The following FMN1 variants were observed in gnomAD, a reference collection of about 807,000 sequenced individuals.
FMN1 encodes the protein formin 1, also known as formin-1.
In FMN1, 110 loss-of-function variants were observed where a neutral mutation model predicts 132.4. That is an observed-to-expected ratio of 0.83 (90% CI 0.71 to 0.97). The LOEUF is 0.97. Ranked by LOEUF, FMN1 falls within the 50% of genes least tolerant of loss-of-function variation. The probability of loss-of-function intolerance (pLI) is 0.00; values close to 1 mark genes in which losing one functional copy is unlikely to be tolerated. For synonymous variants in FMN1, 722 were observed against 651.7 expected (o/e 1.11, Z -1.64); for missense variants, 1,792 against 1,705.3 (o/e 1.05, Z -0.90).
At chr15:33,006,246 C>T (rs1049510717) in intron 7 of FMN1, among the ~76,000 whole-genome samples, 1 of 152,032 alleles carries the variant, frequency 6.6e-6, no homozygotes, top group Non-Finnish European at 1.5e-5. Context: ...AAATACATTT[C>T]TCAAAAGAAG....
intron 4 of FMN1, chr15:33,150,153 C>T (rs1255131844): frequency 2.0e-6 from 2 of 985,262 alleles, no homozygotes; most frequent in Admixed American, 6.1e-5. Flanking sequence ...AGCCAAGCTC[C>T]CTGTGATTCT....
chr15:33,159,644 A>T (rs1964810951), intron 3 of FMN1, among the ~76,000 whole-genome samples: 1 of 152,254 alleles, frequency 6.6e-6, no homozygotes, highest in Non-Finnish European at 1.5e-5. Flanking sequence ...AAGCAGGTTG[A>T]TGAGGAAGAC....
At chr15:32,916,346 A>C (rs767855105) in intron 10 of FMN1, among the ~76,000 whole-genome samples, 1 of 152,216 alleles carries the variant, frequency 6.6e-6, no homozygotes, top group Non-Finnish European at 1.5e-5. Context: ...ATGCCCATAT[A>C]AACAAAGAAT....
intron 3 of FMN1, among the ~76,000 whole-genome samples, chr15:33,156,072 CA>C (rs1964657838): frequency 6.6e-6 from 1 of 151,786 alleles, no homozygotes; most frequent in East Asian, 1.9e-4. Flanking sequence ...TTCTAAATAG[CA>C]AAAAAGCTAC....
At chr15:33,189,959 T>C (rs1218256542) in intron 2 of FMN1, among the ~76,000 whole-genome samples, 2 of 152,180 alleles carry the variant, frequency 1.3e-5, no homozygotes, top group Non-Finnish European at 2.9e-5. Flanking sequence ...CGCACAGGGC[T>C]GAGACCATAG....
chr15:32,835,599 G>C (rs2058604159), intron 17 of FMN1, among the ~76,000 whole-genome samples: 1 of 152,094 alleles, frequency 6.6e-6, no homozygotes, highest in Non-Finnish European at 1.5e-5. Flanking sequence ...GTTTGGAAGG[G>C]TTTGTTTTCA....
At chr15:32,933,083 T>A (rs985452596) in intron 9 of FMN1, among the ~76,000 whole-genome samples, 2 of 152,204 alleles carry the variant, frequency 1.3e-5, no homozygotes, top group African/African-American at 4.8e-5. Context: ...TCAGGTTGTT[T>A]ATTTGAAATC....
intron 7 of FMN1, among the ~76,000 whole-genome samples, chr15:33,001,894 A>G (rs1192378910): frequency 6.6e-6 from 1 of 151,966 alleles, no homozygotes; most frequent in African/African-American, 2.4e-5. Context: ...ATGGAATAAA[A>G]ACCCTAAGCT....
intron 6 of FMN1, among the ~76,000 whole-genome samples, chr15:33,028,699 G>A (rs908405113): frequency 3.3e-5 from 5 of 152,110 alleles, no homozygotes; most frequent in African/African-American, 1.2e-4. Flanking sequence ...GTTTCATCTG[G>A]TAGCAAACCT....
chr15:33,023,545 A>G (rs914070118), intron 6 of FMN1, among the ~76,000 whole-genome samples: 1 of 152,232 alleles, frequency 6.6e-6, no homozygotes, highest in Non-Finnish European at 1.5e-5. Context: ...TATATTAGAA[A>G]CAAAATACTC....
intron 16 of FMN1, among the ~76,000 whole-genome samples, chr15:32,881,018 T>C (rs2059756809): frequency 1.3e-5 from 2 of 152,224 alleles, no homozygotes; most frequent in African/African-American, 2.4e-5. Context: ...GCCTATGCCA[T>C]TGAAACTTAA....
intron 17 of FMN1, among the ~76,000 whole-genome samples, chr15:32,848,981 T>TTTTTTG (rs2058930974): frequency 8.7e-6 from 1 of 115,488 alleles, no homozygotes; most frequent in East Asian, 2.2e-4. Flanking sequence ...TCTTTTGTTT[T>TTTTTTG]TTTTTTTTTT....
intron 4 of FMN1, among the ~76,000 whole-genome samples, chr15:33,122,888 A>AT (rs1164147759): frequency 1.3e-5 from 2 of 152,172 alleles, no homozygotes; most frequent in Admixed American, 1.3e-4. Context: ...TTGATAAAGC[A>AT]AACCAACATC....
In FMN1 at chr15:33,029,071, T is replaced by C. The variant is rs187969639; in HGVS notation, c.2162-20996A>G. On this transcript the variant is annotated intron_variant, in intron 6 of 20. Transcript: ENST00000616417. The stretch of plus-strand genomic sequence containing the variant: ...GCAAATTGAAGCTGATTTGAAGAAA[T>C]ACACTTAAATAATACCATAAAAATC... Among the ~76,000 whole-genome samples, 11 of 152,182 alleles carry C rather than the reference T, an allele frequency of 7.2e-5. No homozygotes were observed. In the East Asian group the frequency reaches 1.5e-3, roughly 21 times the overall value.
chr15:33,026,410 T>TCTCACACACACACACACACACACA (rs1555384314), intron 6 of FMN1, among the ~76,000 whole-genome samples: 6 of 140,114 alleles, frequency 4.3e-5, no homozygotes, highest in Non-Finnish European at 7.7e-5. Context: ...GTCCAAATTT[T>TCTCACACACACACACACACACACA]CACACACACA....
At chr15:33,121,212 G>C (rs1280186564) in intron 4 of FMN1, among the ~76,000 whole-genome samples, 1 of 152,202 alleles carries the variant, frequency 6.6e-6, no homozygotes, top group South Asian at 2.1e-4. Context: ...CAATAGAGCA[G>C]TGGGTCCTGT....
At chr15:32,838,054 G>A (rs1436647834) in intron 17 of FMN1, among the ~76,000 whole-genome samples, 3 of 151,890 alleles carry the variant, frequency 2.0e-5, no homozygotes, top group Non-Finnish European at 4.4e-5. Flanking sequence ...GAGCAATGAA[G>A]GCAAGAGGGA....
In FMN1 at chr15:32,766,868, C is replaced by G. The variant is rs2056066251; in HGVS notation, c.*7442G>C. The G allele has an allele frequency of 6.6e-6, 1 of 152,242 alleles. No homozygotes were observed. Among genetic ancestry groups the G allele is most frequent in the Admixed American group, 6.5e-5 (1 of 15,280 alleles). 9.4% of individuals were successfully genotyped at this position (152,242 alleles called of 1,614,324 possible). On this transcript the variant is annotated 3_prime_UTR_variant, in exon 21 of 21. Coordinates refer to ENST00000616417, the MANE Select transcript of FMN1 (RefSeq NM_001277313.2). ...AATATGAAGGAAAAGGACGAGGAAA[C>G]AGAAGTATTGAAAGAAGAAAGTGAA...
At chr15:32,928,954 C>T (rs1203476701) in intron 9 of FMN1, among the ~76,000 whole-genome samples, 1 of 152,122 alleles carries the variant, frequency 6.6e-6, no homozygotes, top group Admixed American at 6.5e-5. Flanking sequence ...TCTGTCTGTC[C>T]CTGAGTAAAA....
Sources: gnomAD v4.1 joint callset for allele counts (sites outside exome capture counted in the v4.1 genomes callset) on GRCh38, gnomAD v4.1.1 for gene constraint, MANE v1.5 for transcripts, NCBI Gene and HGNC (gene_info 2026-07-23, HGNC 2026-07-21) for gene names.